ZNF324B: variants seen among roughly 807,000 people sequenced by gnomAD.
ZNF324B encodes the protein zinc finger protein 324B.
A neutral mutation model predicts 10.6 loss-of-function variants in ZNF324B; 7 were observed. The observed-to-expected ratio is 0.66, with a 90% CI of 0.38 to 1.24. The LOEUF is 1.24. Ranked by LOEUF, ZNF324B falls within the 50% of genes most tolerant of loss-of-function variation. ZNF324B has a pLI of 0.02. For synonymous variants in ZNF324B, 316 were observed against 321.0 expected, an observed-to-expected ratio of 0.98 and a Z score of 0.17; for missense variants, 640 against 764.7, an observed-to-expected ratio of 0.84 and a Z score of 1.92.
chr19:58,456,873 C>T lies in ZNF324B; in HGVS notation c.*294C>T. 3.9e-6 allele frequency: 2 copies of T among 519,402 alleles called. No homozygotes were observed. Among genetic ancestry groups the T allele is most frequent in the South Asian group, 5.1e-5 (2 of 39,156 alleles). The allele number at this position is 519,402 out of a possible 1,614,324, so 32.2% of individuals were successfully genotyped here. ...TGTAGTTGGGGCCATAGGACGCCGA[C>T]AAAGGCAGCGCTGCATGGTGGTGCT... On this transcript the variant is annotated 3_prime_UTR_variant, in exon 4 of 4. Coordinates refer to ENST00000336614, the MANE Select transcript of ZNF324B (RefSeq NM_207395.3). The surrounding 1 kb of genome is among the most constrained non-coding windows in gnomAD (Gnocchi z 4.7).
rs1386629920 is a variant in ZNF324B, at chr19:58,456,070, C to T, written c.1126C>T (p.Arg376Cys). The T allele has an allele frequency of 1.9e-6, 3 of 1,611,258 alleles. No homozygotes were observed. In the African/African-American group the frequency reaches 4.0e-5, roughly 22 times the overall value. ...TCCTTATGCTTGCGCACAGTGTGGCCGCCGCTTCTGCCGCAACTCGCACCT... is the reference window on the plus strand; with the variant it reads ...TCCTTATGCTTGCGCACAGTGTGGCTGCCGCTTCTGCCGCAACTCGCACCT... Reference protein sequence around the residue: ...GRPYACAQCGRRFCRNSHLIQ... With the variant: ...GRPYACAQCGCRFCRNSHLIQ... The change falls in exon 4 of 4, where the codon CGC (arginine) becomes TGC (cysteine). Residue 376 changes from arginine (R) to cysteine (C), a missense_variant. Physicochemically the swap from Arg to Cys is radical, Grantham distance 180. Coordinates refer to ENST00000336614, the MANE Select transcript of ZNF324B (RefSeq NM_207395.3). The surrounding 1 kb of genome is among the most constrained non-coding windows in gnomAD (Gnocchi z 4.7).
the ZNF324B span, chr19:58,439,997 T>G: frequency 4.7e-6 from 3 of 636,992 alleles, no homozygotes; most frequent in Non-Finnish European, 8.0e-6. Flanking sequence ...GGCTCCACTT[T>G]CGGGAACACC....
chr19:58,456,026 A>G lies in ZNF324B; in HGVS notation c.1082A>G (p.Lys361Arg). 1.2e-6 allele frequency: 2 copies of G among 1,601,714 alleles called. No individual in the cohort carries two copies. The highest frequency in any genetic ancestry group is 1.7e-6 in the Non-Finnish European group (2 of 1,173,058). ...GGCTCCAACCTCAGCCAGCACCGCA[A>G]GATCCACGCGGGTGGGCGTCCTTAT... ...SHGSNLSQHR[K>R]IHAGGRPYAC... The change falls in exon 4 of 4, where the codon AAG becomes AGG. Residue 361 changes from lysine (K) to arginine (R), a missense_variant. This residue lies in a region of ZNF324B where 57 missense variants were observed against 118.8 expected (regional missense o/e 0.48). Transcript: ENST00000336614. The surrounding 1 kb of genome is among the most constrained non-coding windows in gnomAD (Gnocchi z 4.7).
rs772605133 is a variant in ZNF324B, at chr19:58,451,724, G to A, written c.-7+20G>A. ...AGGAAGGTACGGACCACGAGCAGCC[G>A]GCCGCGCCCCCAAGCCTCGGTATCT... On this transcript the variant is annotated intron_variant, in intron 1 of 3. Coordinates refer to ENST00000336614, the MANE Select transcript of ZNF324B (RefSeq NM_207395.3). 2.2e-6 allele frequency: 1 copy of A among 457,718 alleles called. No homozygotes were observed. Among genetic ancestry groups the A allele is most frequent in the East Asian group, 7.6e-5 (1 of 13,228 alleles). 28.4% of individuals were successfully genotyped at this position (457,718 alleles called of 1,614,324 possible). A position where few individuals can be genotyped will look rare whatever the true frequency, so the allele number is the denominator to read the frequency against.
chr19:58,453,923 C>T, intron 2 of ZNF324B, 101 bp downstream of exon 2: 1 of 1,500,078 alleles, frequency 6.7e-7, no homozygotes, highest in Non-Finnish European at 9.0e-7. Context: ...CTGGCCAGGG[C>T]CACGTGGAAC....
At chr19:58,426,363 G>A in the ZNF324B span, among the ~76,000 whole-genome samples, 11 of 152,186 alleles carry the variant, frequency 7.2e-5, no homozygotes, top group African/African-American at 2.4e-4. Flanking sequence ...TCCCACTGTC[G>A]GTGTAAAGGG....
the ZNF324B span, among the ~76,000 whole-genome samples, chr19:58,424,246 T>C: frequency 6.6e-6 from 1 of 151,864 alleles, no homozygotes; most frequent in South Asian, 2.1e-4. Context: ...TGAAACTCAG[T>C]CTCAAAAGAA....
At chr19:58,427,349 C>CTTTCTTTCTTTCTCTTTCCTTT in the ZNF324B span, among the ~76,000 whole-genome samples, 7 of 56,012 alleles carry the variant, frequency 1.2e-4, no homozygotes, top group Non-Finnish European at 1.7e-4. Context: ...CTTTCTCTTT[C>CTTTCTTTCTTTCTCTTTCCTTT]CTTTCTTTCT....
chr19:58,455,467 AG>A lies in ZNF324B; in HGVS notation c.526del (p.Glu176LysfsTer38), dbSNP rs2052906839. On this transcript the variant is annotated frameshift_variant, in exon 4 of 4. Coordinates refer to ENST00000336614, the MANE Select transcript of ZNF324B (RefSeq NM_207395.3). LOFTEE classifies it low-confidence loss of function (END_TRUNC). This position sits in a 1 kb window ranked among gnomAD's most constrained non-coding sequence, Gnocchi z 7.0. ...CAGGCCCCCCAAGAGCAGCCGGCCC[AG>A]GGAAAAGACCTTCACAGAGTACCGG... Reference protein sequence around the residue: ...PLRPPKSSRPREKTFTEYRVP... With the variant: ...PLRPPKSSRPXEKTFTEYRVP... 2 of 1,614,048 alleles carry A rather than the reference AG, an allele frequency of 1.2e-6. No individual in the cohort carries two copies. The highest frequency in any genetic ancestry group is 2.2e-5 in the South Asian group (2 of 91,070).
chr19:58,456,318 T>A lies in ZNF324B; in HGVS notation c.1374T>A (p.Cys458Ter). ...AGCGGCCCTTCCGCTGCGTGGACTG[T>A]GGCAAGGGTTTCGCCAAGGGCGCCG... Reference protein sequence around the residue: ...TGERPFRCVDCGKGFAKGAVL... With the variant: ...TGERPFRCVD Residue 458 changes from cysteine (C) to a stop codon, truncating the protein, a stop_gained, in exon 4 of 4, where the codon TGT (cysteine) becomes TGA (stop). Transcript: ENST00000336614. LOFTEE classifies it low-confidence loss of function (END_TRUNC). The surrounding 1 kb of genome is among the most constrained non-coding windows in gnomAD (Gnocchi z 4.7). 6.2e-7 allele frequency: 1 copy of A among 1,612,866 alleles called. No individual in the cohort carries two copies. Among genetic ancestry groups the A allele is most frequent in the Non-Finnish European group, 8.5e-7 (1 of 1,179,854 alleles).
At chr19:58,451,620 CTG>C (rs767224649) in exon 1 of ZNF324B, 2 of 517,558 alleles carry the variant, frequency 3.9e-6, no homozygotes, top group South Asian at 1.4e-5. Flanking sequence ...GGCGTTGGGA[CTG>C]TCACTTGGCT....
chr19:58,420,744 G>C, the ZNF324B span, among the ~76,000 whole-genome samples: 1 of 151,660 alleles, frequency 6.6e-6, no homozygotes, highest in South Asian at 2.1e-4. Flanking sequence ...GAGTCACTCT[G>C]TTGTCCAGGC....
chr19:58,422,378 C>T, the ZNF324B span, among the ~76,000 whole-genome samples: 1 of 152,188 alleles, frequency 6.6e-6, no homozygotes, highest in East Asian at 1.9e-4. Context: ...TGCCCACTTT[C>T]ACCACTCCTA....
At chr19:58,432,145 T>C in the ZNF324B span, 1 of 369,292 alleles carries the variant, frequency 2.7e-6, no homozygotes. Context: ...AAGTGTGTGT[T>C]AGTGACCAGA....
chr19:58,443,405 T>C, the ZNF324B span: 3 of 152,288 alleles, frequency 2.0e-5, no homozygotes, highest in African/African-American at 4.8e-5. Context: ...TACTTATCCC[T>C]GGCTGCTGCA....
chr19:58,433,535 T>C, the ZNF324B span: 1 of 1,614,072 alleles, frequency 6.2e-7, no homozygotes, highest in Non-Finnish European at 8.5e-7. Context: ...GAGTTACTGC[T>C]AAAGGCTCTC....
At chr19:58,420,204 G>A in the ZNF324B span, among the ~76,000 whole-genome samples, 1 of 152,062 alleles carries the variant, frequency 6.6e-6, no homozygotes, top group Admixed American at 6.6e-5. Context: ...GGATCATGAG[G>A]TCAGGAGATC....
At chr19:58,447,927 C>T (rs957588608), upstream of ZNF324B, among the ~76,000 whole-genome samples, 2 of 152,194 alleles carry the variant, frequency 1.3e-5, no homozygotes, top group African/African-American at 4.8e-5. Flanking sequence ...GCTTGGCTCT[C>T]ATTTGCTCTT....
the ZNF324B span, chr19:58,444,981 A>G: frequency 7.2e-5 from 13 of 180,352 alleles, no homozygotes; most frequent in South Asian, 1.1e-4. Flanking sequence ...AAATTTTGCA[A>G]AACTCTCCTC....
Sources: gnomAD v4.1 joint callset for allele counts (sites outside exome capture counted in the v4.1 genomes callset) on GRCh38, gnomAD v4.1.1 for gene constraint, gnomAD v4.1.1 regional missense constraint, Gnocchi (gnomAD v3.1) non-coding constraint, MANE v1.5 for transcripts, NCBI Gene and HGNC (gene_info 2026-07-23, HGNC 2026-07-21) for gene names.